NUDCD1: variants seen among roughly 807,000 people sequenced by gnomAD.
NUDCD1 encodes the protein NudC domain containing 1, also known as nudC domain-containing protein 1.
Under a neutral mutation model 67.8 loss-of-function variants are expected in NUDCD1, and 60 were observed. The observed-to-expected ratio is 0.88, with a 90% confidence interval of 0.72 to 1.10. NUDCD1 has a LOEUF of 1.10. NUDCD1 is among the 50% of genes least tolerant of loss of function. The pLI is 0.00. For missense variants in NUDCD1, 643 were observed against 695.0 expected (o/e 0.93, Z 0.84); for synonymous variants, 244 against 230.8 (o/e 1.06, Z -0.52).
At chr8:109,273,015 C>T (rs1290560361) in intron 7 of NUDCD1, among the ~76,000 whole-genome samples, 2 of 152,072 alleles carry the variant, frequency 1.3e-5, no homozygotes, top group East Asian at 3.8e-4. Flanking sequence ...ATTAAAAGTT[C>T]GGGACTATCA....
intron 2 of NUDCD1, chr8:109,316,244 G>C (rs749360556): frequency 6.6e-6 from 1 of 152,078 alleles, no homozygotes; most frequent in Non-Finnish European, 1.5e-5. Flanking sequence ...ACTTCTTTCC[G>C]AGGGACATTT....
intron 2 of NUDCD1, among the ~76,000 whole-genome samples, chr8:109,300,779 T>G (rs1214309251): frequency 6.6e-6 from 1 of 152,160 alleles, no homozygotes. Context: ...AAAAAAATCA[T>G]CGCCTAGGCA....
chr8:109,309,878 A>G (rs61212890), intron 2 of NUDCD1, among the ~76,000 whole-genome samples: 1 of 150,304 alleles, frequency 6.7e-6, no homozygotes, highest in African/African-American at 2.4e-5. Context: ...AAAAAAAAAC[A>G]AAACAAACAA....
At chr8:109,281,985 T>C (rs1276131675) in intron 5 of NUDCD1, among the ~76,000 whole-genome samples, 2 of 152,156 alleles carry the variant, frequency 1.3e-5, no homozygotes, top group African/African-American at 4.8e-5. Context: ...TCTCCTAGAT[T>C]AGGAGCTCAT....
intron 2 of NUDCD1, among the ~76,000 whole-genome samples, chr8:109,313,318 G>A (rs529500319): frequency 2.0e-5 from 3 of 151,952 alleles, no homozygotes; most frequent in African/African-American, 4.8e-5. Context: ...ATACTAAGGC[G>A]GATTAATAAT....
chr8:109,321,809 T>C (rs961186724), intron 2 of NUDCD1, among the ~76,000 whole-genome samples: 14 of 151,888 alleles, frequency 9.2e-5, no homozygotes, highest in South Asian at 2.1e-4. Flanking sequence ...TTTACAAAAA[T>C]CCAGAAATAA....
At chr8:109,274,550 C>G (rs1322573281) in intron 7 of NUDCD1, among the ~76,000 whole-genome samples, 1 of 152,160 alleles carries the variant, frequency 6.6e-6, no homozygotes, top group Admixed American at 6.5e-5. Context: ...CCAGTGATTT[C>G]TGAAATTTTC....
At chr8:109,313,946 T>C (rs1815324858) in intron 2 of NUDCD1, 1 of 435,580 alleles carries the variant, frequency 2.3e-6, no homozygotes, top group Non-Finnish European at 4.4e-6. Flanking sequence ...GTGGCTCTCT[T>C]ACTTGCATTA....
At chr8:109,243,989 T>C (rs1266327193) in intron 9 of NUDCD1, among the ~76,000 whole-genome samples, 1 of 152,114 alleles carries the variant, frequency 6.6e-6, no homozygotes, top group African/African-American at 2.4e-5. Flanking sequence ...AAGTATCTTT[T>C]TGGATTAAAA....
chr8:109,289,008 C>T (rs1814638611), intron 5 of NUDCD1, among the ~76,000 whole-genome samples: 2 of 149,364 alleles, frequency 1.3e-5, no homozygotes, highest in Non-Finnish European at 3.0e-5. Flanking sequence ...GAGACAGTCT[C>T]GCTGTTGCCC....
At chr8:109,269,943 A>AT (rs1402144739) in intron 8 of NUDCD1, among the ~76,000 whole-genome samples, 2 of 85,350 alleles carry the variant, frequency 2.3e-5, no homozygotes, top group Non-Finnish European at 4.1e-5. Flanking sequence ...AAGGTTCTAA[A>AT]TTAAAAAAAA....
At chr8:109,277,391 GTTAATCAGTGCACCCTTC>G (rs1814315109) in intron 6 of NUDCD1, among the ~76,000 whole-genome samples, 1 of 151,894 alleles carries the variant, frequency 6.6e-6, no homozygotes, top group African/African-American at 2.4e-5. Flanking sequence ...AATTTGCACA[GTTAATCAGTGCACCCTTC>G]TTCTAAGACT....
chr8:109,333,145 GTC>G lies in NUDCD1; in HGVS notation c.118+746_118+747del, dbSNP rs1291593021. On this transcript the variant is annotated intron_variant, in intron 1 of 9. Transcript: ENST00000239690. ...GCATAAACTTATTTTATACTTTAAT[GTC>G]TGTTATTATAATTAACTGTAGATCA... Among the ~76,000 whole-genome samples, 4 of 152,268 alleles carry G rather than the reference GTC, an allele frequency of 2.6e-5. 1 individual carries two copies. The South Asian group carries it at 6.2e-4, about 24-fold the overall frequency.
At chr8:109,275,328 C>A (rs565135875) in intron 7 of NUDCD1, 24 bp downstream of exon 7, 2 of 1,598,196 alleles carry the variant, frequency 1.3e-6, no homozygotes, top group East Asian at 4.5e-5. Context: ...CTTGGAAAGT[C>A]ACACTACTAT....
chr8:109,256,142 G>T (rs1343547225), intron 8 of NUDCD1, among the ~76,000 whole-genome samples: 1 of 152,162 alleles, frequency 6.6e-6, no homozygotes, highest in Admixed American at 6.5e-5. Context: ...ATCCTGGGAG[G>T]TCTAGGCTGC....
chr8:109,281,637 C>T (rs916983419), intron 5 of NUDCD1, among the ~76,000 whole-genome samples: 3 of 152,198 alleles, frequency 2.0e-5, no homozygotes, highest in Non-Finnish European at 4.4e-5. Flanking sequence ...TGCAAAATCA[C>T]ATGCACTTTT....
intron 5 of NUDCD1, among the ~76,000 whole-genome samples, chr8:109,282,421 T>A (rs1814466205): frequency 6.6e-6 from 1 of 151,908 alleles, no homozygotes; most frequent in Non-Finnish European, 1.5e-5. Context: ...AAGACCCTAC[T>A]CTGCATTCTC....
intron 8 of NUDCD1, among the ~76,000 whole-genome samples, chr8:109,262,162 GT>G (rs927484551): frequency 3.9e-5 from 6 of 152,204 alleles, no homozygotes; most frequent in African/African-American, 1.4e-4. Context: ...ATTGTTTTAA[GT>G]TAATTCTACA....
Position 109,293,386 on chromosome 8 carries a change from A to G in NUDCD1, c.598T>C (p.Tyr200His). 1 of 1,587,486 alleles carries G rather than the reference A, an allele frequency of 6.3e-7. No homozygotes were observed. Among genetic ancestry groups the G allele is most frequent in the Non-Finnish European group, 8.6e-7 (1 of 1,167,948 alleles). ...ATAGTGACCCACTCCAGAGAAACAT[A>G]GAAACCACTTCCTTTCATATCCAAT... ...EELDMKGSGF[Y>H]VSLEWVTISK... Residue 200 changes from tyrosine to histidine, a missense_variant, in exon 4 of 10, where the codon TAT (tyrosine) becomes CAT (histidine). Transcript: ENST00000239690.
Sources: allele counts gnomAD v4.1 joint callset (sites outside exome capture counted in the v4.1 genomes callset), GRCh38; gene constraint gnomAD v4.1.1; transcripts MANE v1.5; gene names NCBI Gene and HGNC (gene_info 2026-07-23, HGNC 2026-07-21).